The following LRRTM4 variants were observed in gnomAD, a reference collection of about 807,000 sequenced individuals.
LRRTM4 encodes the protein leucine-rich repeat transmembrane neuronal protein 4.
A neutral mutation model predicts 47.6 loss-of-function variants in LRRTM4; 25 were observed. That is an observed-to-expected ratio of 0.53 (90% CI 0.38 to 0.73). The LOEUF (loss-of-function observed/expected upper bound fraction) is 0.73. Ranked by LOEUF, LRRTM4 falls within the 30% of genes least tolerant of loss-of-function variation. The pLI, the probability that LRRTM4 is intolerant of heterozygous loss-of-function variation, is 0.00. For synonymous variants in LRRTM4, 311 were observed against 269.5 expected (o/e 1.15, Z -1.51); for missense variants, 638 against 713.4 (o/e 0.89, Z 1.20).
chr2:77,142,560 G>T (rs1177784561), intron 3 of LRRTM4, among the ~76,000 whole-genome samples: 2 of 151,812 alleles, frequency 1.3e-5, no homozygotes, highest in Non-Finnish European at 2.9e-5. Context: ...AATAATTATT[G>T]AATTCAAATA....
At chr2:77,512,251 T>C (rs938455546) in intron 3 of LRRTM4, among the ~76,000 whole-genome samples, 2 of 152,178 alleles carry the variant, frequency 1.3e-5, no homozygotes, top group African/African-American at 4.8e-5. Context: ...TCTAGCAGCT[T>C]CTAGCAGACG....
chr2:77,322,179 TGAA>T (rs1217262102), intron 3 of LRRTM4, among the ~76,000 whole-genome samples: 1 of 152,148 alleles, frequency 6.6e-6, no homozygotes, highest in African/African-American at 2.4e-5. Flanking sequence ...CTCAGCATTG[TGAA>T]GAAGGTTTGC....
At chr2:77,234,082 C>G (rs1297177285) in intron 3 of LRRTM4, among the ~76,000 whole-genome samples, 1 of 152,180 alleles carries the variant, frequency 6.6e-6, no homozygotes, top group Non-Finnish European at 1.5e-5. Context: ...CACTCTCACA[C>G]TGACTTATTT....
At chr2:77,191,759 G>T (rs1207581546) in intron 3 of LRRTM4, among the ~76,000 whole-genome samples, 1 of 151,986 alleles carries the variant, frequency 6.6e-6, no homozygotes, top group African/African-American at 2.4e-5. Context: ...TTTGAGACAA[G>T]ATTTTTTGTT....
intron 3 of LRRTM4, among the ~76,000 whole-genome samples, chr2:77,085,186 CTT>C (rs1226437867): frequency 6.6e-6 from 1 of 151,750 alleles, no homozygotes; most frequent in Non-Finnish European, 1.5e-5. Flanking sequence ...TACTATTGGT[CTT>C]TAATACATTT....
Position 76,779,891 on chromosome 2 carries a change from G to T in LRRTM4, c.1552-30975C>A, listed in dbSNP as rs529549029. 1.5e-4 allele frequency among the ~76,000 whole-genome samples: 23 copies of T among 151,758 alleles called. 1 individual carries two copies. Among genetic ancestry groups the T allele is most frequent in the Non-Finnish European group, 2.5e-4 (17 of 67,816 alleles). ...TTACATTTTGGCATGATTTTGCAGC[G>T]GCTGGTACCGGTTGTTCCTTTCCAT... On this transcript the variant is annotated intron_variant, in intron 3 of 3. Coordinates refer to ENST00000409884, the MANE Select transcript of LRRTM4 (RefSeq NM_001134745.3).
chr2:76,870,011 C>T (rs959964299), intron 3 of LRRTM4, among the ~76,000 whole-genome samples: 1 of 152,072 alleles, frequency 6.6e-6, no homozygotes, highest in African/African-American at 2.4e-5. Context: ...CTTAGGGAGG[C>T]ACAAAACAAT....
At chr2:77,039,124 AATG>A (rs1417606877) in intron 3 of LRRTM4, among the ~76,000 whole-genome samples, 4 of 151,420 alleles carry the variant, frequency 2.6e-5, no homozygotes, top group South Asian at 2.1e-4. Flanking sequence ...TAATTTATAA[AATG>A]ATAAGAAAAA....
At chr2:76,754,042 A>G (rs765057273) in intron 3 of LRRTM4, among the ~76,000 whole-genome samples, 90 of 152,028 alleles carry the variant, frequency 5.9e-4, no homozygotes, top group Non-Finnish European at 1.1e-3. Context: ...TTGATTTTCA[A>G]TTTTCTAAAT....
At chr2:77,024,910 A>G (rs888535810) in intron 3 of LRRTM4, among the ~76,000 whole-genome samples, 1 of 152,196 alleles carries the variant, frequency 6.6e-6, no homozygotes, top group African/African-American at 2.4e-5. Context: ...AATGTGGATA[A>G]TATTTTCAAA....
intron 3 of LRRTM4, among the ~76,000 whole-genome samples, chr2:76,791,943 T>C (rs1248777632): frequency 2.0e-5 from 3 of 152,206 alleles, no homozygotes; most frequent in Non-Finnish European, 4.4e-5. Flanking sequence ...TAGCTTAGCC[T>C]ATCACCCACT....
intron 3 of LRRTM4, among the ~76,000 whole-genome samples, chr2:76,980,753 G>A (rs769685561): frequency 3.3e-5 from 5 of 152,032 alleles, no homozygotes; most frequent in Non-Finnish European, 7.4e-5. Context: ...GATTTCTAGT[G>A]TTTGAAACTT....
At chr2:77,409,713 G>C (rs982882907) in intron 3 of LRRTM4, among the ~76,000 whole-genome samples, 1 of 152,052 alleles carries the variant, frequency 6.6e-6, no homozygotes, top group Non-Finnish European at 1.5e-5. Flanking sequence ...CACTTACCAA[G>C]GTGTTTGTTA....
intron 3 of LRRTM4, among the ~76,000 whole-genome samples, chr2:77,091,727 T>A (rs1670648388): frequency 2.7e-5 from 4 of 149,602 alleles, no homozygotes; most frequent in Admixed American, 2.7e-4. Context: ...ACCTAGGCTG[T>A]ACTGCCTGCC....
chr2:77,416,872 C>T (rs1177915537), intron 3 of LRRTM4, among the ~76,000 whole-genome samples: 1 of 151,820 alleles, frequency 6.6e-6, no homozygotes, highest in Non-Finnish European at 1.5e-5. Flanking sequence ...TATAAAACAA[C>T]AAAAGCCAAA....
At chr2:77,430,567 C>G (rs1675329227) in intron 3 of LRRTM4, among the ~76,000 whole-genome samples, 1 of 148,552 alleles carries the variant, frequency 6.7e-6, no homozygotes, top group Non-Finnish European at 1.5e-5. Context: ...ACTAAAAATA[C>G]AAAATTAGAC....
At chr2:77,427,529 G>A (rs922673929) in intron 3 of LRRTM4, among the ~76,000 whole-genome samples, 1 of 152,174 alleles carries the variant, frequency 6.6e-6, no homozygotes, top group Admixed American at 6.5e-5. Context: ...TGATTTATAA[G>A]CACAGAGAAA....
intron 3 of LRRTM4, among the ~76,000 whole-genome samples, chr2:77,486,039 T>TA (rs1052197442): frequency 2.0e-5 from 3 of 151,958 alleles, no homozygotes; most frequent in South Asian, 2.1e-4. Context: ...ATGCCCAGCC[T>TA]AAAAAAAATT....
At chr2:77,373,089 ATAT>A (rs1207493197) in intron 3 of LRRTM4, among the ~76,000 whole-genome samples, 1 of 104,154 alleles carries the variant, frequency 9.6e-6, no homozygotes, top group African/African-American at 3.6e-5. Context: ...TAAAAAAAAA[ATAT>A]ATATATATAT....
Sources: allele counts gnomAD v4.1 joint callset (sites outside exome capture counted in the v4.1 genomes callset), GRCh38; gene constraint gnomAD v4.1.1; transcripts MANE v1.5; gene names NCBI Gene and HGNC (gene_info 2026-07-23, HGNC 2026-07-21).